The following MDGA2 variants were observed in gnomAD, a reference collection of about 807,000 sequenced individuals.
MDGA2 encodes MAM domain-containing glycosylphosphatidylinositol anchor protein 2.
A neutral mutation model predicts 117.8 loss-of-function variants in MDGA2; 40 were observed. That is an observed-to-expected ratio of 0.34 (90% CI 0.26 to 0.44). The LOEUF is 0.44. Among genes scored for constraint, MDGA2 ranks in the 20% least tolerant of loss-of-function variants. The pLI, the probability that MDGA2 is intolerant of heterozygous loss-of-function variation, is 1.00. For synonymous variants in MDGA2, 452 were observed against 439.0 expected (o/e 1.03, Z -0.37); for missense variants, 1,123 against 1,250.6 (o/e 0.90, Z 1.54).
intron 6 of MDGA2, among the ~76,000 whole-genome samples, chr14:47,095,949 G>A (rs962118): frequency 6.6e-6 from 1 of 151,550 alleles, no homozygotes; most frequent in African/African-American, 2.4e-5. Flanking sequence ...GCCTCAGTGT[G>A]CACCCTCCAC....
intron 2 of MDGA2, among the ~76,000 whole-genome samples, chr14:47,293,316 G>A (rs763742584): frequency 3.9e-5 from 6 of 152,030 alleles, no homozygotes; most frequent in African/African-American, 7.2e-5. Context: ...CTATCATAAC[G>A]GCATATTAGG....
chr14:47,452,958 T>C (rs1190791657), intron 1 of MDGA2, among the ~76,000 whole-genome samples: 2 of 152,272 alleles, frequency 1.3e-5, no homozygotes, highest in African/African-American at 2.4e-5. Flanking sequence ...AGGCACATTA[T>C]AGTAACTGTT....
intron 2 of MDGA2, among the ~76,000 whole-genome samples, chr14:47,291,134 C>T (rs951232744): frequency 6.6e-6 from 1 of 152,160 alleles, no homozygotes; most frequent in African/African-American, 2.4e-5. Context: ...AGCAGTAAGG[C>T]GATTTTCACT....
At chr14:47,392,093 C>G (rs1350113435) in intron 1 of MDGA2, among the ~76,000 whole-genome samples, 3 of 152,062 alleles carry the variant, frequency 2.0e-5, no homozygotes, top group African/African-American at 4.8e-5. Flanking sequence ...TTTTAACACT[C>G]AGATCTCCTG....
intron 2 of MDGA2, among the ~76,000 whole-genome samples, chr14:47,285,423 A>G (rs1476066368): frequency 1.3e-5 from 2 of 152,176 alleles, no homozygotes; most frequent in Non-Finnish European, 2.9e-5. Flanking sequence ...TAAGCAATAA[A>G]TCATAAGCAG....
Position 46,934,074 on chromosome 14 carries a change from T to C in MDGA2, c.2090-13914A>G, listed in dbSNP as rs968368805. On this transcript the variant is annotated intron_variant, in intron 9 of 16. Transcript: ENST00000399232. ...TTAAATTTGCTGAAACGATAGTTTT[T>C]ACACTTGGCATGCAAGTAGGAAATT... Among the ~76,000 whole-genome samples, 8 of 151,726 alleles carry C rather than the reference T, an allele frequency of 5.3e-5. No individual in the cohort carries two copies. The East Asian group carries it at 1.5e-3, about 29-fold the overall frequency.
chr14:47,144,171 A>C lies in MDGA2; in HGVS notation c.699T>G (p.Asn233Lys), dbSNP rs199926061. The change falls in exon 4 of 17, where the codon AAT becomes AAG. Residue 233 changes from asparagine to lysine, a missense_variant. This residue lies in a region of MDGA2 where 890 missense variants were observed against 1,050.3 expected (regional missense o/e 0.85). Coordinates refer to ENST00000399232, the MANE Select transcript of MDGA2 (RefSeq NM_001113498.3). ...GTCTCCAGCTATACCGAACAGGAGG[A>C]TTGGAATTGGCAACACACCGGAGGA... The part of the protein sequence containing the change: ...TVFLRCVANS[N>K]PPVRYSWRRG... 1.2e-4 allele frequency: 179 copies of C among 1,551,342 alleles called. No homozygotes were observed. The highest frequency in any genetic ancestry group is 1.5e-4 in the Non-Finnish European group (170 of 1,146,788).
chr14:47,390,781 T>C (rs1039619827), intron 1 of MDGA2, among the ~76,000 whole-genome samples: 5 of 152,190 alleles, frequency 3.3e-5, no homozygotes, highest in African/African-American at 1.2e-4. Context: ...GGAGATTTTG[T>C]TTCTAATTTT....
intron 5 of MDGA2, among the ~76,000 whole-genome samples, chr14:47,108,281 TTTTA>T (rs1262054128): frequency 6.6e-6 from 1 of 152,136 alleles, no homozygotes; most frequent in Non-Finnish European, 1.5e-5. Flanking sequence ...CACTATTTTG[TTTTA>T]TTTTTCTTAT....
At chr14:47,103,534 G>A (rs1041110486) in intron 5 of MDGA2, among the ~76,000 whole-genome samples, 5 of 152,152 alleles carry the variant, frequency 3.3e-5, no homozygotes, top group African/African-American at 1.2e-4. Flanking sequence ...GATGCTCTAG[G>A]AAATAACAAT....
Position 47,049,803 on chromosome 14 carries a change from G to A in MDGA2, c.1525+11446C>T, listed in dbSNP as rs149552894. 9.5e-4 allele frequency among the ~76,000 whole-genome samples: 144 copies of A among 152,066 alleles called. 2 individuals carry two copies. Among genetic ancestry groups the A allele is most frequent in the African/African-American group, 3.3e-3 (136 of 41,520 alleles). ...TATTTTTGGTCTAGTCATTATTGCT[G>A]ACAGAACACCTATAAAATTTGGGAA... is the stretch of plus-strand genomic sequence containing the variant. On this transcript the variant is annotated intron_variant, in intron 7 of 16. Transcript: ENST00000399232.
At chr14:47,383,366 A>G (rs1891679849) in intron 1 of MDGA2, among the ~76,000 whole-genome samples, 1 of 152,114 alleles carries the variant, frequency 6.6e-6, no homozygotes, top group South Asian at 2.1e-4. Context: ...AGAAAAGAAA[A>G]ATATACTGGA....
rs1898165799 is a variant in MDGA2, at chr14:47,675,390, GA to G, written c.-595del. The stretch of plus-strand genomic sequence containing the variant: ...TAGGGGAACGGGGGTGGGGAAGAGG[GA>G]AGGGAGGAGGGGGAAGAAGGAGGAG... On this transcript the variant is annotated 5_prime_UTR_variant, in exon 1 of 17. Coordinates refer to ENST00000399232, the MANE Select transcript of MDGA2 (RefSeq NM_001113498.3). 6.6e-6 allele frequency among the ~76,000 whole-genome samples: 1 copy of G among 151,802 alleles called. No individual in the cohort carries two copies. The highest frequency in any genetic ancestry group is 1.5e-5 in the Non-Finnish European group (1 of 67,936).
At chr14:47,076,604 G>C (rs901338550) in intron 6 of MDGA2, among the ~76,000 whole-genome samples, 1 of 150,810 alleles carries the variant, frequency 6.6e-6, no homozygotes, top group African/African-American at 2.4e-5. Flanking sequence ...CAACCAATAA[G>C]CATTATTTTT....
chr14:46,857,415 T>G (rs1300492882), intron 14 of MDGA2, among the ~76,000 whole-genome samples: 1 of 152,190 alleles, frequency 6.6e-6, no homozygotes, highest in Non-Finnish European at 1.5e-5. Context: ...ATTAAAGGTG[T>G]TCCATTATCT....
intron 3 of MDGA2, among the ~76,000 whole-genome samples, chr14:47,169,192 T>C (rs1884018167): frequency 6.6e-6 from 1 of 152,024 alleles, no homozygotes; most frequent in Non-Finnish European, 1.5e-5. Context: ...GCATGCTGAG[T>C]ATATTGAATC....
chr14:47,064,523 A>G (rs1011808104), intron 6 of MDGA2, among the ~76,000 whole-genome samples: 2 of 152,084 alleles, frequency 1.3e-5, no homozygotes, highest in Non-Finnish European at 2.9e-5. Flanking sequence ...CTTAGCTCAG[A>G]AAACTAAGAG....
chr14:47,544,051 G>A (rs1895406737), intron 1 of MDGA2, among the ~76,000 whole-genome samples: 1 of 151,948 alleles, frequency 6.6e-6, no homozygotes, highest in Non-Finnish European at 1.5e-5. Flanking sequence ...TTTGAGAACG[G>A]GTCTTATAAA....
chr14:47,218,576 T>G (rs1016160800), intron 2 of MDGA2, among the ~76,000 whole-genome samples: 42 of 152,260 alleles, frequency 2.8e-4, no homozygotes, highest in Non-Finnish European at 3.5e-4. Context: ...ATAATTTTAC[T>G]TATTTTGTCC....
Sources: allele counts gnomAD v4.1 joint callset (sites outside exome capture counted in the v4.1 genomes callset), GRCh38; gene constraint gnomAD v4.1.1; regional missense constraint gnomAD v4.1.1; transcripts MANE v1.5; gene names NCBI Gene and HGNC (gene_info 2026-07-23, HGNC 2026-07-21).